Variants in ZNF805 observed in about 807,000 individuals in gnomAD.
ZNF805 encodes the protein CTC-444N24.8.
ZNF805 carries 7 observed loss-of-function variants against 13.6 expected under a neutral mutation model. The observed-to-expected ratio is 0.51, with a 90% CI of 0.29 to 0.97. The LOEUF (loss-of-function observed/expected upper bound fraction) is 0.97. ZNF805 is among the 50% of genes least tolerant of loss of function. ZNF805 has a pLI of 0.08. For missense variants in ZNF805, 604 were observed against 771.0 expected (o/e 0.78, Z 2.57); for synonymous variants, 293 against 279.8 (o/e 1.05, Z -0.47).
At chr19:57,244,092 CT>C (rs1168150239) in intron 2 of ZNF805, 43 bp downstream of exon 2, 7 of 1,593,394 alleles carry the variant, frequency 4.4e-6, no homozygotes, top group Non-Finnish European at 6.0e-6. Flanking sequence ...CTGCCACCTC[CT>C]TCGTTCCACC....
intron 3 of ZNF805, among the ~76,000 whole-genome samples, chr19:57,251,531 C>T (rs2087652004): frequency 6.6e-6 from 1 of 151,962 alleles, no homozygotes; most frequent in South Asian, 2.1e-4. Context: ...TTATCAGTTA[C>T]ATTTGCTGCC....
intron 3 of ZNF805, among the ~76,000 whole-genome samples, chr19:57,250,369 A>G (rs1304286300): frequency 1.3e-5 from 2 of 152,082 alleles, no homozygotes; most frequent in Non-Finnish European, 2.9e-5. Context: ...AATAGCTGGG[A>G]TTATAGGCAT....
intron 2 of ZNF805, among the ~76,000 whole-genome samples, chr19:57,245,574 T>C (rs372877056): frequency 2.0e-4 from 30 of 149,732 alleles, no homozygotes; most frequent in East Asian, 1.8e-3. Flanking sequence ...GGTCAGGAGA[T>C]AGAGACCATC....
At chr19:57,247,620 A>G (rs2087627124) in intron 2 of ZNF805, among the ~76,000 whole-genome samples, 1 of 152,194 alleles carries the variant, frequency 6.6e-6, no homozygotes, top group African/African-American at 2.4e-5. Flanking sequence ...GCGTGCAGGG[A>G]GCCATTACAA....
At chr19:57,250,478 C>A (rs143248137) in intron 3 of ZNF805, among the ~76,000 whole-genome samples, 2 of 152,158 alleles carry the variant, frequency 1.3e-5, no homozygotes, top group Admixed American at 1.3e-4. Context: ...GTGATCTGCC[C>A]GCCTCGGCCT....
Position 57,253,827 on chromosome 19 carries a change from C to T in ZNF805, c.1008C>T (p.Ile336=), listed in dbSNP as rs1239907293. Residue 336 remains isoleucine, a synonymous_variant, in exon 4 of 4, where the codon ATC becomes ATT. Coordinates refer to ENST00000414468, the MANE Select transcript of ZNF805 (RefSeq NM_001023563.4). This position sits in a 1 kb window ranked among gnomAD's most constrained non-coding sequence, Gnocchi z 4.4. ...CAGGTTTCATTCGACACTACATCAT[C>T]CACAGTGGTGAGAATCCCTACGAGT... The part of the protein sequence containing the change: ...DRPGFIRHYI[I]HSGENPYECF... 1.9e-6 allele frequency: 3 copies of T among 1,613,866 alleles called. No homozygotes were observed. The African/African-American group carries it at 4.0e-5, about 22-fold the overall frequency.
rs750322313 is a variant in ZNF805 at position 57,260,055 on chromosome 19, C to T, written c.*5352C>T. On this transcript the variant is annotated 3_prime_UTR_variant, in exon 4 of 4. Coordinates refer to ENST00000414468, the MANE Select transcript of ZNF805 (RefSeq NM_001023563.4). ...ATATCATTCAGAGTTACGTACTCCA[C>T]GGGAAGGTTGTATGTAAAATCCTCC... Among the ~76,000 whole-genome samples, 6 of 152,148 alleles carry T rather than the reference C, an allele frequency of 3.9e-5. No individual in the cohort carries two copies. The highest frequency in any genetic ancestry group is 8.8e-5 in the Non-Finnish European group (6 of 68,036).
chr19:57,254,489 A>G lies in ZNF805; in HGVS notation c.1670A>G (p.His557Arg). ...AFSRSSSLTQ[H>R]QRMHTGRNPI... is the part of the protein sequence containing the mutation. Reference sequence around the variant, plus strand: ...AGTCGCAGCTCGTCCCTCACTCAGCATCAAAGGATGCATACTGGGAGAAAT... The same window carrying G: ...AGTCGCAGCTCGTCCCTCACTCAGCGTCAAAGGATGCATACTGGGAGAAAT... Residue 557 changes from histidine (H) to arginine (R), a missense_variant, in exon 4 of 4, where the codon CAT becomes CGT. By Grantham distance (29) the His-to-Arg change is conservative (BLOSUM62 0). Around this residue, in one of 3 missense-constraint regions of ZNF805, gnomAD observed 228 missense variants for 352.8 expected, o/e 0.65. Transcript: ENST00000414468. The G allele has an allele frequency of 6.2e-7, 1 of 1,614,250 alleles. No individual in the cohort carries two copies. Among genetic ancestry groups the G allele is most frequent in the Non-Finnish European group, 8.5e-7 (1 of 1,180,036 alleles).
chr19:57,247,147 C>T (rs558960235), intron 2 of ZNF805, among the ~76,000 whole-genome samples: 2 of 152,020 alleles, frequency 1.3e-5, no homozygotes, highest in African/African-American at 4.8e-5. Flanking sequence ...GTAGCTGGGA[C>T]TACAGATGCG....
rs753041265 is a variant in ZNF805, at chr19:57,254,310, C to A, written c.1491C>A (p.Gly497=). 15 of 1,613,942 alleles carry A rather than the reference C, an allele frequency of 9.3e-6. No homozygotes were observed. The South Asian group carries it at 1.2e-4, about 13-fold the overall frequency. Residue 497 remains glycine (G), a synonymous_variant, in exon 4 of 4, where the codon GGC becomes GGA. Transcript: ENST00000414468. ...GAAAGGCCTTCAACCGCAGGTCAGGCCTCACAAGGCACCAGCGGATTCATA... is the reference window on the plus strand; with the variant it reads ...GAAAGGCCTTCAACCGCAGGTCAGGACTCACAAGGCACCAGCGGATTCATA... ...ECGKAFNRRS[G]LTRHQRIHSG... is the part of the protein sequence containing the mutation.
chr19:57,257,590 A>G lies in ZNF805; in HGVS notation c.*2887A>G, dbSNP rs2087695247. On this transcript the variant is annotated 3_prime_UTR_variant, in exon 4 of 4. Coordinates refer to ENST00000414468, the MANE Select transcript of ZNF805 (RefSeq NM_001023563.4). Reference sequence around the variant, plus strand: ...TTACGTTTTGGTTAATGCTTGCATGATTTACACTTCATCATTTTTTTAAAC... The same window carrying G: ...TTACGTTTTGGTTAATGCTTGCATGGTTTACACTTCATCATTTTTTTAAAC... Among the ~76,000 whole-genome samples the G allele has an allele frequency of 6.7e-6, 1 of 150,290 alleles. No homozygotes were observed. The highest frequency in any genetic ancestry group is 1.5e-5 in the Non-Finnish European group (1 of 67,820).
chr19:57,247,611 C>T (rs1332285794), intron 2 of ZNF805, among the ~76,000 whole-genome samples: 2 of 152,218 alleles, frequency 1.3e-5, no homozygotes, highest in African/African-American at 2.4e-5. Context: ...GACCAGGCTG[C>T]GTGCAGGGAG....
rs1411486574 is a variant in ZNF805, at chr19:57,262,205, C to T, written c.*7502C>T. The stretch of plus-strand genomic sequence containing the variant: ...ATAGCAGTCTCTGGCCTGCTCTGTT[C>T]TCTTTTTCACAGTAACTTAAATGGA... On this transcript the variant is annotated 3_prime_UTR_variant, in exon 4 of 4. Transcript: ENST00000414468. The T allele has an allele frequency of 6.0e-6, 1 of 167,058 alleles. No individual in the cohort carries two copies. The highest frequency in any genetic ancestry group is 1.5e-5 in the Non-Finnish European group (1 of 68,118). The allele number at this position is 167,058 out of a possible 1,614,324, so 10.3% of individuals were successfully genotyped here.
intron 3 of ZNF805, among the ~76,000 whole-genome samples, chr19:57,249,923 G>T (rs2087641469): frequency 6.6e-6 from 1 of 151,130 alleles, no homozygotes; most frequent in African/African-American, 2.4e-5. Flanking sequence ...TGCAGTCCCT[G>T]TTCAGCCCTT....
chr19:57,257,533 T>C lies in ZNF805; in HGVS notation c.*2830T>C, dbSNP rs557072137. Among the ~76,000 whole-genome samples, 6 of 151,336 alleles carry C rather than the reference T, an allele frequency of 4.0e-5. No individual in the cohort carries two copies. Among genetic ancestry groups the C allele is most frequent in the East Asian group, 3.9e-4 (2 of 5,188 alleles). On this transcript the variant is annotated 3_prime_UTR_variant, in exon 4 of 4. Transcript: ENST00000414468. Reference sequence around the variant, plus strand: ...CTTTTTGTTCCTGTTAATACTCTTATCAATTTTTATCTGATATTTGTGTGG... The same window carrying C: ...CTTTTTGTTCCTGTTAATACTCTTACCAATTTTTATCTGATATTTGTGTGG...
chr19:57,250,675 C>T (rs1342501738), intron 3 of ZNF805, among the ~76,000 whole-genome samples: 1 of 152,210 alleles, frequency 6.6e-6, no homozygotes, highest in African/African-American at 2.4e-5. Flanking sequence ...GACCTTGTTC[C>T]AGACAGTTAA....
rs528107857 is a variant in ZNF805, at chr19:57,258,035, G to A, written c.*3332G>A. ...TTTTTTTTTTTTTTTTTTTTGAGAC[G>A]GAGTCTTGCTCTGTCGCCCTGGCTG... On this transcript the variant is annotated 3_prime_UTR_variant, in exon 4 of 4. Transcript: ENST00000414468. Among the ~76,000 whole-genome samples, 401 of 134,734 alleles carry A rather than the reference G, an allele frequency of 3.0e-3. 4 individuals are homozygous for A. The highest frequency in any genetic ancestry group is 0.011 in the African/African-American group (383 of 35,580). The allele number at this position is 134,734 out of a possible 152,430, so 88.4% of individuals were successfully genotyped here.
intron 1 of ZNF805, among the ~76,000 whole-genome samples, chr19:57,242,814 A>G (rs893448198): frequency 1.3e-5 from 2 of 152,222 alleles, no homozygotes; most frequent in Non-Finnish European, 2.9e-5. Flanking sequence ...TCACAACTGT[A>G]TTATAGTAGA....
chr19:57,247,428 T>C (rs746218724), intron 2 of ZNF805, among the ~76,000 whole-genome samples: 1 of 152,220 alleles, frequency 6.6e-6, no homozygotes, highest in Non-Finnish European at 1.5e-5. Context: ...AGAACGCTGG[T>C]GTCCAGCCCC....
Sources: allele counts gnomAD v4.1 joint callset (sites outside exome capture counted in the v4.1 genomes callset), GRCh38; gene constraint gnomAD v4.1.1; regional missense constraint gnomAD v4.1.1; non-coding constraint Gnocchi (gnomAD v3.1); transcripts MANE v1.5; gene names NCBI Gene and HGNC (gene_info 2026-07-23, HGNC 2026-07-21).